The following SYT3 variants were observed in gnomAD, a reference collection of about 807,000 sequenced individuals.
SYT3 encodes the protein synaptotagmin-3.
SYT3 carries 25 observed loss-of-function variants against 50.6 expected under a neutral mutation model. The ratio of observed to expected loss-of-function variants is 0.49; its 90% CI spans 0.36 to 0.69. The LOEUF (loss-of-function observed/expected upper bound fraction) is 0.69. SYT3 is among the 30% of genes least tolerant of loss of function. SYT3 has a pLI of 0.00. For missense variants in SYT3, 589 were observed against 793.6 expected, an observed-to-expected ratio of 0.74 and a Z score of 3.10; for synonymous variants, 323 against 353.9, an observed-to-expected ratio of 0.91 and a Z score of 0.98.
At chr19:50,640,724 G>GAAA (rs112696343), upstream of SYT3, among the ~76,000 whole-genome samples, 1 of 149,782 alleles carries the variant, frequency 6.7e-6, no homozygotes, top group African/African-American at 2.4e-5. Flanking sequence ...TAGCTGATGA[G>GAAA]AAAAAAAAAA....
upstream of SYT3, among the ~76,000 whole-genome samples, chr19:50,643,604 C>A (rs562158731): frequency 3.7e-4 from 57 of 152,100 alleles, no homozygotes; most frequent in Non-Finnish European, 7.5e-4. Flanking sequence ...TAAAGAACAC[C>A]GGACAGGGAG....
chr19:50,640,207 G>C (rs1296784113), upstream of SYT3, among the ~76,000 whole-genome samples: 1 of 152,212 alleles, frequency 6.6e-6, no homozygotes, highest in East Asian at 1.9e-4. Flanking sequence ...AGGAGCGGAA[G>C]CTGAGACTCA....
the SYT3 span, among the ~76,000 whole-genome samples, chr19:50,653,036 T>C: frequency 2.6e-5 from 4 of 152,166 alleles, no homozygotes; most frequent in Admixed American, 6.5e-5. Flanking sequence ...TTTTATTCTA[T>C]TCTATTTTAT....
Position 50,625,972 on chromosome 19 carries a change from G to A in SYT3, c.1327C>T (p.Pro443Ser), listed in dbSNP as rs749062235. The A allele has an allele frequency of 6.2e-7, 1 of 1,614,084 alleles. No homozygotes were observed. The highest frequency in any genetic ancestry group is 8.5e-7 in the Non-Finnish European group (1 of 1,179,994). ...GTCACGGTGAGGCGCCCGGCCGTGG[G>A]GAGGTAGCAGAGTGAGAAGTTGAGC... ...GELNFSLCYL[P>S]TAGRLTVTII... The change falls in exon 7 of 11, where the codon CCC becomes TCC. Residue 443 changes from proline to serine, a missense_variant. Pro to Ser is a moderately conservative substitution (Grantham distance 74). This residue lies in a region of SYT3 where 273 missense variants were observed against 439.3 expected (regional missense o/e 0.62). Transcript: ENST00000600079. The surrounding 1 kb of genome is among the most constrained non-coding windows in gnomAD (Gnocchi z 7.5).
At chr19:50,634,393 A>G (rs984748034) in intron 3 of SYT3, among the ~76,000 whole-genome samples, 2 of 152,204 alleles carry the variant, frequency 1.3e-5, no homozygotes, top group Non-Finnish European at 2.9e-5. Flanking sequence ...TGTACTGCTT[A>G]GTGAAGCTAC....
chr19:50,627,928 G>A (rs1185172189), intron 6 of SYT3, among the ~76,000 whole-genome samples: 1 of 152,180 alleles, frequency 6.6e-6, no homozygotes, highest in Non-Finnish European at 1.5e-5. Flanking sequence ...ATACACAGGG[G>A]CCCTGGGACC....
Position 50,637,514 on chromosome 19 carries a change from A to G in SYT3, c.-15-88T>C. 1 of 1,198,018 alleles carries G rather than the reference A, an allele frequency of 8.3e-7. No individual in the cohort carries two copies. The highest frequency in any genetic ancestry group is 1.2e-6 in the Non-Finnish European group (1 of 867,864). The allele number at this position is 1,198,018 out of a possible 1,614,324, so 74.2% of individuals were successfully genotyped here. A position where few individuals can be genotyped will look rare whatever the true frequency, so the allele number is the denominator to read the frequency against. On this transcript the variant is annotated intron_variant, in intron 2 of 10. Transcript: ENST00000600079. This position sits in a 1 kb window ranked among gnomAD's most constrained non-coding sequence, Gnocchi z 4.9. ...CAGGTGTGGAGATAAGGGTGGAAAG[A>G]GACACCGAGAAAAGGAAGGATGGGC...
At chr19:50,649,377 G>A in the SYT3 span, 15 of 1,463,564 alleles carry the variant, frequency 1.0e-5, no homozygotes, top group Middle Eastern at 1.7e-4. Context: ...AGAAGGAGCT[G>A]GGGTGGGTGG....
Position 50,639,781 on chromosome 19 carries a change from CG to C in SYT3, c.-154+8del. The C allele has an allele frequency of 7.6e-6, 1 of 132,364 alleles. No homozygotes were observed. Among genetic ancestry groups the C allele is most frequent in the Non-Finnish European group, 1.5e-5 (1 of 65,152 alleles). 8.2% of individuals were successfully genotyped at this position (132,364 alleles called of 1,614,324 possible). A position where few individuals can be genotyped will look rare whatever the true frequency, so the allele number is the denominator to read the frequency against. ...GCTGTGGCAGGAGGAGGGGGAGGAGCGGACTCACCCGGAGCCGCCGCTGCCG... is the reference window on the plus strand; with the variant it reads ...GCTGTGGCAGGAGGAGGGGGAGGAGCGACTCACCCGGAGCCGCCGCTGCCG... On this transcript the variant is annotated splice_region_variant and intron_variant, in intron 1 of 10. Coordinates refer to ENST00000600079, the MANE Select transcript of SYT3 (RefSeq NM_001160329.2). This position sits in a 1 kb window ranked among gnomAD's most constrained non-coding sequence, Gnocchi z 4.6.
rs566902348 is a variant in SYT3 at position 50,631,475 on chromosome 19, G to A, written c.674+811C>T. Among the ~76,000 whole-genome samples, 91 of 152,108 alleles carry A rather than the reference G, an allele frequency of 6.0e-4. No homozygotes were observed. In the Middle Eastern group the frequency reaches 0.014, roughly 23 times the overall value. ...CACTGCGCCCAGCCTGAAGTTTTCC[G>A]TTTTTCAAACTTATTCTCATGCCTT... On this transcript the variant is annotated intron_variant, in intron 4 of 10. Coordinates refer to ENST00000600079, the MANE Select transcript of SYT3 (RefSeq NM_001160329.2).
At chr19:50,649,422 C>T in the SYT3 span, 7 of 1,536,060 alleles carry the variant, frequency 4.6e-6, no homozygotes, top group Non-Finnish European at 6.1e-6. Flanking sequence ...CTTCCTGAGA[C>T]ATCCCTCACC....
the SYT3 span, among the ~76,000 whole-genome samples, chr19:50,652,620 C>T: frequency 2.0e-5 from 3 of 152,076 alleles, no homozygotes; most frequent in Non-Finnish European, 4.4e-5. Context: ...GTGAAAAGGA[C>T]GATTGTGCTT....
upstream of SYT3, among the ~76,000 whole-genome samples, chr19:50,644,828 T>C (rs1984736092): frequency 6.6e-6 from 1 of 151,816 alleles, no homozygotes; most frequent in Non-Finnish European, 1.5e-5. Flanking sequence ...GAGAAATAGA[T>C]GAAGGGAGGG....
the SYT3 span, among the ~76,000 whole-genome samples, chr19:50,657,455 A>G: frequency 3.9e-5 from 6 of 152,206 alleles, no homozygotes; most frequent in Non-Finnish European, 7.4e-5. Context: ...TTGACATGCT[A>G]ATCACGTGAT....
chr19:50,643,166 G>A (rs192315003), upstream of SYT3, among the ~76,000 whole-genome samples: 1 of 152,046 alleles, frequency 6.6e-6, no homozygotes, highest in East Asian at 2.0e-4. Context: ...GAGCTCAGGA[G>A]TTGAGACTTG....
At chr19:50,635,774 C>T (rs997333042) in intron 3 of SYT3, among the ~76,000 whole-genome samples, 7 of 152,138 alleles carry the variant, frequency 4.6e-5, no homozygotes, top group African/African-American at 1.4e-4. Flanking sequence ...TTTCCTGGTT[C>T]GTAATAGACT....
At chr19:50,651,140 GT>G in the SYT3 span, among the ~76,000 whole-genome samples, 1 of 152,222 alleles carries the variant, frequency 6.6e-6, no homozygotes, top group African/African-American at 2.4e-5. Context: ...GGCCTGGCTT[GT>G]TCTCATGCTG....
upstream of SYT3, among the ~76,000 whole-genome samples, chr19:50,642,176 C>T (rs367751467): frequency 1.7e-4 from 26 of 152,322 alleles, no homozygotes; most frequent in South Asian, 8.3e-4. Context: ...CTACAGACCA[C>T]GAGTGCAGGT....
At chr19:50,649,823 C>A in the SYT3 span, 7 of 512,136 alleles carry the variant, frequency 1.4e-5, no homozygotes, top group African/African-American at 9.6e-5. Flanking sequence ...TGTCTCCCAC[C>A]CTGAGCTCAG....
Sources: gnomAD v4.1 joint callset for allele counts (sites outside exome capture counted in the v4.1 genomes callset) on GRCh38, gnomAD v4.1.1 for gene constraint, gnomAD v4.1.1 regional missense constraint, Gnocchi (gnomAD v3.1) non-coding constraint, MANE v1.5 for transcripts, NCBI Gene and HGNC (gene_info 2026-07-23, HGNC 2026-07-21) for gene names.